Variants in NELL1 observed in about 807,000 individuals in gnomAD.
The protein encoded by NELL1 is neural EGFL like 1, also known as protein kinase C-binding protein NELL1.
In NELL1, 76 loss-of-function variants were observed where a neutral mutation model predicts 107.4. The ratio of observed to expected loss-of-function variants is 0.71; its 90% confidence interval spans 0.59 to 0.86. NELL1 has a LOEUF of 0.86. Ranked by LOEUF, NELL1 falls within the 40% of genes least tolerant of loss-of-function variation. The probability of loss-of-function intolerance (pLI) is 0.00; values close to 1 mark genes in which losing one functional copy is unlikely to be tolerated. For synonymous variants in NELL1, 353 were observed against 341.2 expected (o/e 1.03, Z -0.38); for missense variants, 1,024 against 1,005.5 (o/e 1.02, Z -0.25).
In NELL1 at chr11:21,100,292, A is replaced by G. The variant is rs149107831; in HGVS notation, c.1301-13297A>G. Among the ~76,000 whole-genome samples the G allele has an allele frequency of 1.3e-4, 20 of 152,336 alleles. No individual in the cohort carries two copies. In the East Asian group the frequency reaches 3.9e-3, roughly 29 times the overall value. ...CTAGGCTTCCCAAAGTGCTAGGATT[A>G]CAGGCATCATCCACCATGCTCGGCC... On this transcript the variant is annotated intron_variant, in intron 12 of 19. Transcript: ENST00000357134.
intron 4 of NELL1, among the ~76,000 whole-genome samples, chr11:20,884,438 A>G (rs1264073269): frequency 6.6e-6 from 1 of 152,176 alleles, no homozygotes; most frequent in African/African-American, 2.4e-5. Context: ...CAAGAAATGG[A>G]CATAGTTCTC....
At chr11:21,101,683 GTTGT>G (rs1389345942) in intron 12 of NELL1, among the ~76,000 whole-genome samples, 3 of 152,096 alleles carry the variant, frequency 2.0e-5, no homozygotes, top group African/African-American at 7.2e-5. Context: ...TTTTGATGGG[GTTGT>G]TTGTTTTTTT....
At chr11:21,546,823 C>G (rs990278394) in intron 16 of NELL1, among the ~76,000 whole-genome samples, 1 of 151,900 alleles carries the variant, frequency 6.6e-6, no homozygotes. Flanking sequence ...TGTTCTTACC[C>G]TGAGATTACT....
intron 5 of NELL1, among the ~76,000 whole-genome samples, chr11:20,897,679 G>A (rs377703422): frequency 4.6e-5 from 7 of 152,024 alleles, no homozygotes; most frequent in African/African-American, 1.7e-4. Context: ...CTGACAAAGG[G>A]CTAATATCCA....
At chr11:21,447,049 G>T (rs1201242974) in intron 15 of NELL1, among the ~76,000 whole-genome samples, 2 of 152,142 alleles carry the variant, frequency 1.3e-5, no homozygotes, top group African/African-American at 4.8e-5. Context: ...TCCCATGTCT[G>T]CCACCAATAC....
chr11:21,409,654 C>G (rs1461932400), intron 15 of NELL1, among the ~76,000 whole-genome samples: 1 of 151,714 alleles, frequency 6.6e-6, no homozygotes, highest in Non-Finnish European at 1.5e-5. Flanking sequence ...ACCTAAAATT[C>G]AGGCTATCAC....
rs773289003 is a variant in NELL1 at position 20,960,446 on chromosome 11, G to T, written c.1186G>T (p.Ala396Ser). ...GTTTTTTCTAGGTCATAACTTTTGTGCAGAAGGACCTAAATGTGGTGAAAA... is the reference window on the plus strand; with the variant it reads ...GTTTTTTCTAGGTCATAACTTTTGTTCAGAAGGACCTAAATGTGGTGAAAA... ...CRVCRGHNFC[A>S]EGPKCGENSE... is the part of the protein sequence containing the mutation. The change falls in exon 12 of 20, where the codon GCA becomes TCA. Residue 396 changes from alanine (A) to serine (S), a missense_variant. Ala to Ser is a moderately conservative substitution (Grantham distance 99). Transcript: ENST00000357134. 1 of 1,613,816 alleles carries T rather than the reference G, an allele frequency of 6.2e-7. No homozygotes were observed. The highest frequency in any genetic ancestry group is 8.5e-7 in the Non-Finnish European group (1 of 1,179,812).
At chr11:21,363,816 A>G (rs1343691742) in intron 14 of NELL1, among the ~76,000 whole-genome samples, 1 of 152,228 alleles carries the variant, frequency 6.6e-6, no homozygotes, top group African/African-American at 2.4e-5. Flanking sequence ...AGAATTGCAA[A>G]AAATGTGATC....
rs146185702 is a variant in NELL1, at chr11:21,477,433, G to A, written c.1646-56941G>A. 5.4e-3 allele frequency among the ~76,000 whole-genome samples: 817 copies of A among 152,136 alleles called. 3 individuals are homozygous for A. Among genetic ancestry groups the A allele is most frequent in the Non-Finnish European group, 8.8e-3 (597 of 67,994 alleles). ...GAAATTTTTTCAGATCTTATCCAAG[G>A]CAAGCAAGGTGGTACCTCTATGAAT... On this transcript the variant is annotated intron_variant, in intron 15 of 19. Coordinates refer to ENST00000357134, the MANE Select transcript of NELL1 (RefSeq NM_006157.5).
At chr11:21,571,170 G>A (rs936713436) in intron 18 of NELL1, among the ~76,000 whole-genome samples, 3 of 151,838 alleles carry the variant, frequency 2.0e-5, no homozygotes, top group Non-Finnish European at 4.4e-5. Flanking sequence ...AACAATGACA[G>A]TTTACAGCTA....
chr11:20,982,255 T>C (rs1218222730), intron 12 of NELL1, among the ~76,000 whole-genome samples: 2 of 152,144 alleles, frequency 1.3e-5, no homozygotes, highest in Admixed American at 6.5e-5. Flanking sequence ...ACCATGTGAC[T>C]GAGAGTAGGG....
At chr11:21,050,122 A>G (rs1417074707) in intron 12 of NELL1, among the ~76,000 whole-genome samples, 1 of 152,180 alleles carries the variant, frequency 6.6e-6, no homozygotes, top group Non-Finnish European at 1.5e-5. Flanking sequence ...AATATAAGAT[A>G]TAATTATCTG....
intron 17 of NELL1, among the ~76,000 whole-genome samples, chr11:21,567,077 TGAAA>T (rs1248275632): frequency 6.6e-6 from 1 of 151,864 alleles, no homozygotes; most frequent in Non-Finnish European, 1.5e-5. Context: ...CGACCTTTTC[TGAAA>T]GAATTTATCC....
chr11:20,675,138 C>A (rs2133847034), intron 1 of NELL1, among the ~76,000 whole-genome samples: 1 of 152,248 alleles, frequency 6.6e-6, no homozygotes, highest in East Asian at 1.9e-4. Flanking sequence ...TAGACGAGAA[C>A]AAACCCCACT....
At chr11:20,739,332 A>G (rs191239221) in intron 2 of NELL1, among the ~76,000 whole-genome samples, 47 of 152,282 alleles carry the variant, frequency 3.1e-4, no homozygotes, top group Non-Finnish European at 5.0e-4. Context: ...CAATGTTACT[A>G]TGTTCTTTGT....
At chr11:20,918,799 C>G (rs1850314781) in intron 6 of NELL1, among the ~76,000 whole-genome samples, 1 of 151,904 alleles carries the variant, frequency 6.6e-6, no homozygotes. Flanking sequence ...TGCAGCCAAC[C>G]CATATCATTT....
chr11:21,015,589 A>G (rs936798719), intron 12 of NELL1, among the ~76,000 whole-genome samples: 2 of 152,090 alleles, frequency 1.3e-5, no homozygotes, highest in African/African-American at 2.4e-5. Flanking sequence ...GGCTGGATCA[A>G]TGCCATTGTG....
intron 15 of NELL1, among the ~76,000 whole-genome samples, chr11:21,395,721 AG>A (rs1253959331): frequency 6.6e-6 from 1 of 151,512 alleles, no homozygotes; most frequent in Non-Finnish European, 1.5e-5. Context: ...TAGAACCTTG[AG>A]AAACATTAAA....
At chr11:21,067,863 T>C (rs1384596254) in intron 12 of NELL1, among the ~76,000 whole-genome samples, 1 of 151,414 alleles carries the variant, frequency 6.6e-6, no homozygotes, top group African/African-American at 2.4e-5. Flanking sequence ...TGAAACCTGG[T>C]CTCTACTAAA....
Sources: gnomAD v4.1 joint callset for allele counts (sites outside exome capture counted in the v4.1 genomes callset) on GRCh38, gnomAD v4.1.1 for gene constraint, MANE v1.5 for transcripts, NCBI Gene and HGNC (gene_info 2026-07-23, HGNC 2026-07-21) for gene names.